MAST4: variants seen among roughly 807,000 people sequenced by gnomAD.
MAST4 encodes the protein microtubule associated serine/threonine kinase family member 4, also known as microtubule-associated serine/threonine-protein kinase 4.
Under a neutral mutation model 162.7 loss-of-function variants are expected in MAST4, and 89 were observed. The ratio of observed to expected loss-of-function variants is 0.55; its 90% CI spans 0.46 to 0.65. The LOEUF (loss-of-function observed/expected upper bound fraction) is 0.65, where lower values mean the gene tolerates loss of function less well. MAST4 is among the 30% of genes least tolerant of loss of function. The pLI is 0.00. For synonymous variants in MAST4, 1,479 were observed against 1,361.1 expected (o/e 1.09, Z -1.91); for missense variants, 3,153 against 3,374.0 (o/e 0.93, Z 1.62).
chr5:67,052,066 A>G (rs1177746901), intron 4 of MAST4, among the ~76,000 whole-genome samples: 2 of 152,182 alleles, frequency 1.3e-5, no homozygotes, highest in Non-Finnish European at 2.9e-5. Flanking sequence ...TATACCTTCG[A>G]TAATTTGTTT....
chr5:66,693,290 G>A (rs1421230771), intron 1 of MAST4, among the ~76,000 whole-genome samples: 1 of 152,130 alleles, frequency 6.6e-6, no homozygotes, highest in Non-Finnish European at 1.5e-5. Flanking sequence ...CAGTTTTACA[G>A]TTGTAAGGCA....
At chr5:67,053,898 G>C (rs558490636) in intron 4 of MAST4, among the ~76,000 whole-genome samples, 1 of 152,292 alleles carries the variant, frequency 6.6e-6, no homozygotes, top group South Asian at 2.1e-4. Flanking sequence ...GATGAAAAAT[G>C]AATGAGTGGT....
At chr5:66,841,800 G>A (rs1176057488) in intron 3 of MAST4, among the ~76,000 whole-genome samples, 1 of 152,018 alleles carries the variant, frequency 6.6e-6, no homozygotes, top group Non-Finnish European at 1.5e-5. Flanking sequence ...AGGCAAATGG[G>A]TACTTAATAA....
Position 66,997,435 on chromosome 5 carries a change from T to C in MAST4, c.675-56969T>C, listed in dbSNP as rs568577600. ...TTAATGTGTTTTTTTTCTTTTCTCT[T>C]TTTTTTTTTTTTTTGAGATAGAGTT... On this transcript the variant is annotated intron_variant, in intron 4 of 28. Transcript: ENST00000403625. 4.0e-3 allele frequency among the ~76,000 whole-genome samples: 569 copies of C among 142,494 alleles called. 6 individuals carry two copies. The highest frequency in any genetic ancestry group is 0.014 in the African/African-American group (535 of 39,116). The allele number at this position is 142,494 out of a possible 152,430, so 93.5% of individuals were successfully genotyped here.
At chr5:67,157,607 C>A (rs1254135795) in intron 26 of MAST4, among the ~76,000 whole-genome samples, 1 of 152,196 alleles carries the variant, frequency 6.6e-6, no homozygotes, top group Non-Finnish European at 1.5e-5. Flanking sequence ...ACCAGCTATG[C>A]ACTGTGCCAG....
At position 67,054,432 on chromosome 5, in the gene MAST4, A is replaced by G. The variant is rs1039085844; in HGVS notation, c.703A>G (p.Ile235Val). Residue 235 changes from isoleucine (I) to valine (V), a missense_variant, in exon 5 of 29, where the codon ATA (isoleucine) becomes GTA (valine). Physicochemically the swap from Ile to Val is conservative, Grantham distance 29. This residue lies in a region of MAST4 where 327 missense variants were observed against 336.5 expected (regional missense o/e 0.97). Transcript: ENST00000403625. ...CCGAACAAGCAACCGGAAAAGCTTA[A>G]TAGGCAATGGGCAGTCACCAGCATT... ...FCRTSNRKSL[I>V]GNGQSPALPR... 3.1e-6 allele frequency: 5 copies of G among 1,609,680 alleles called. No individual in the cohort carries two copies. The South Asian group carries it at 3.3e-5, about 11-fold the overall frequency.
intron 23 of MAST4, among the ~76,000 whole-genome samples, chr5:67,146,181 C>CATT: frequency 7.3e-6 from 1 of 137,384 alleles, no homozygotes; most frequent in African/African-American, 2.5e-5. Flanking sequence ...GCCAAGGGGG[C>CATT]TTGGGCCTTT....
chr5:67,112,354 A>G (rs925279210), intron 11 of MAST4, among the ~76,000 whole-genome samples: 34 of 152,208 alleles, frequency 2.2e-4, no homozygotes, highest in African/African-American at 8.0e-4. Context: ...TTTCTGCAGC[A>G]GACACCAGCT....
chr5:67,000,589 T>C (rs113980166), intron 4 of MAST4, among the ~76,000 whole-genome samples: 5,674 of 151,980 alleles, frequency 0.037, 330 homozygotes, highest in African/African-American at 0.13. Context: ...CTACTAAAAA[T>C]ACAAAAAAAT....
intron 3 of MAST4, among the ~76,000 whole-genome samples, chr5:66,850,406 G>A (rs1221685194): frequency 6.6e-6 from 1 of 152,216 alleles, no homozygotes; most frequent in Non-Finnish European, 1.5e-5. Context: ...CTGTCTACAC[G>A]TAGCCGATGC....
intron 3 of MAST4, among the ~76,000 whole-genome samples, chr5:66,793,898 T>C (rs1755534248): frequency 6.6e-6 from 1 of 152,240 alleles, no homozygotes; most frequent in African/African-American, 2.4e-5. Flanking sequence ...TATTTTATTA[T>C]ATATCTCTTA....
intron 4 of MAST4, among the ~76,000 whole-genome samples, chr5:66,923,026 T>TTCAGTCACAGTGTCC (rs1211771309): frequency 5.9e-5 from 9 of 152,364 alleles, no homozygotes; most frequent in Non-Finnish European, 8.8e-5. Context: ...ACAAATATTT[T>TTCAGTCACAGTGTCC]CTTTTACATG....
At chr5:66,805,510 A>C (rs928650656) in intron 3 of MAST4, among the ~76,000 whole-genome samples, 1 of 152,202 alleles carries the variant, frequency 6.6e-6, no homozygotes, top group Non-Finnish European at 1.5e-5. Context: ...ATTTTCTTTG[A>C]AAACCAGTGA....
chr5:66,955,047 C>T (rs987984014), intron 4 of MAST4, among the ~76,000 whole-genome samples: 2 of 151,524 alleles, frequency 1.3e-5, no homozygotes, highest in African/African-American at 4.8e-5. Context: ...AAAAAATACA[C>T]ACACAAAAAT....
intron 1 of MAST4, among the ~76,000 whole-genome samples, chr5:66,668,935 C>T (rs1195854641): frequency 6.6e-6 from 1 of 152,070 alleles, no homozygotes; most frequent in Non-Finnish European, 1.5e-5. Flanking sequence ...AAGGAGCTAG[C>T]GCGGGAGGAA....
At chr5:66,964,385 A>G (rs1286074602) in intron 4 of MAST4, among the ~76,000 whole-genome samples, 3 of 152,162 alleles carry the variant, frequency 2.0e-5, no homozygotes, top group African/African-American at 4.8e-5. Flanking sequence ...TATAGTATCT[A>G]TGGTATGTAT....
rs374443602 is a variant in MAST4 at position 66,798,525 on chromosome 5, G to T, written c.642+9731G>T. Among the ~76,000 whole-genome samples, 21 of 152,204 alleles carry T rather than the reference G, an allele frequency of 1.4e-4. No homozygotes were observed. In the East Asian group the frequency reaches 3.3e-3, roughly 24 times the overall value. Reference sequence around the variant, plus strand: ...TTTACTTATTTGTCTCTGAATCTTTGTTTCCAAGATGATTCACCAACAAAA... The same window carrying T: ...TTTACTTATTTGTCTCTGAATCTTTTTTTCCAAGATGATTCACCAACAAAA... On this transcript the variant is annotated intron_variant, in intron 3 of 28. Transcript: ENST00000403625.
In MAST4 at chr5:66,746,254, A is replaced by G. The variant is rs78043826; in HGVS notation, c.364-13455A>G. Among the ~76,000 whole-genome samples, 1,142 of 152,320 alleles carry G rather than the reference A, an allele frequency of 7.5e-3. 26 individuals are homozygous for G. The highest frequency in any genetic ancestry group is 0.045 in the Admixed American group (690 of 15,288). ...TGGATCATTTGGATTGGTTGACACCAGGTTCTAAGAATCCTGTCTTTGTGG... is the reference window on the plus strand; with the variant it reads ...TGGATCATTTGGATTGGTTGACACCGGGTTCTAAGAATCCTGTCTTTGTGG... On this transcript the variant is annotated intron_variant, in intron 1 of 28. Transcript: ENST00000403625.
chr5:66,607,435 G>A (rs1166402135), intron 1 of MAST4, among the ~76,000 whole-genome samples: 1 of 152,182 alleles, frequency 6.6e-6, no homozygotes, highest in Non-Finnish European at 1.5e-5. Context: ...GCTTTGGGGA[G>A]TTGTATTCTG....
Sources: allele counts gnomAD v4.1 joint callset (sites outside exome capture counted in the v4.1 genomes callset), GRCh38; gene constraint gnomAD v4.1.1; regional missense constraint gnomAD v4.1.1; transcripts MANE v1.5; gene names NCBI Gene and HGNC (gene_info 2026-07-23, HGNC 2026-07-21).